Variants in GRID2 observed in about 807,000 individuals in gnomAD.
The protein encoded by GRID2 is glutamate ionotropic receptor delta type subunit 2.
A neutral mutation model predicts 114.8 loss-of-function variants in GRID2; 33 were observed. The observed-to-expected ratio is 0.29, with a 90% CI of 0.22 to 0.38. The LOEUF is 0.38. GRID2 is among the 10% of genes least tolerant of loss of function. GRID2 has a pLI of 1.00. For synonymous variants in GRID2, 505 were observed against 449.9 expected (o/e 1.12, Z -1.55); for missense variants, 1,184 against 1,257.7 (o/e 0.94, Z 0.89).
At chr4:93,243,459 T>G (rs200815808) in intron 8 of GRID2, among the ~76,000 whole-genome samples, 1 of 152,062 alleles carries the variant, frequency 6.6e-6, no homozygotes, top group African/African-American at 2.4e-5. Context: ...GAGTGAATGG[T>G]TTTTCAGTTG....
At chr4:93,249,419 T>C (rs560987084) in intron 8 of GRID2, among the ~76,000 whole-genome samples, 32 of 152,228 alleles carry the variant, frequency 2.1e-4, no homozygotes, top group African/African-American at 7.5e-4. Flanking sequence ...AGAAAGCTAA[T>C]GGTAGCTTGA....
intron 3 of GRID2, among the ~76,000 whole-genome samples, chr4:93,094,583 A>AT (rs1263630368): frequency 6.6e-6 from 1 of 151,990 alleles, no homozygotes; most frequent in Non-Finnish European, 1.5e-5. Flanking sequence ...AGGTAATATA[A>AT]TTTTAATGAA....
At chr4:92,444,427 T>A (rs879176644) in intron 1 of GRID2, among the ~76,000 whole-genome samples, 2 of 151,706 alleles carry the variant, frequency 1.3e-5, no homozygotes, top group African/African-American at 4.8e-5. Flanking sequence ...TCAGTGGGGG[T>A]GCTTTTGGCG....
intron 2 of GRID2, among the ~76,000 whole-genome samples, chr4:92,741,126 T>C (rs1736875881): frequency 6.6e-6 from 1 of 152,130 alleles, no homozygotes; most frequent in Non-Finnish European, 1.5e-5. Flanking sequence ...GACACCTAAG[T>C]TCAAATTACG....
At chr4:93,470,186 A>G (rs1724667202) in intron 11 of GRID2, among the ~76,000 whole-genome samples, 1 of 152,236 alleles carries the variant, frequency 6.6e-6, no homozygotes, top group South Asian at 2.1e-4. Context: ...TAAGATATTG[A>G]ATCTGGCCAC....
intron 2 of GRID2, among the ~76,000 whole-genome samples, chr4:92,603,599 C>T (rs781167376): frequency 4.6e-5 from 7 of 152,068 alleles, no homozygotes; most frequent in African/African-American, 1.7e-4. Context: ...ACAAGAAAAT[C>T]TAGGCAATAC....
chr4:93,085,730 C>G (rs1327287299), intron 3 of GRID2, among the ~76,000 whole-genome samples: 2 of 152,082 alleles, frequency 1.3e-5, no homozygotes, highest in East Asian at 3.9e-4. Flanking sequence ...TGCTTACACC[C>G]TTGTGTAGAC....
chr4:93,081,348 T>C (rs888907108), intron 2 of GRID2, among the ~76,000 whole-genome samples: 4 of 152,214 alleles, frequency 2.6e-5, no homozygotes, highest in Non-Finnish European at 4.4e-5. Context: ...TAATCTTGTT[T>C]TACTTAGTAA....
chr4:93,393,766 A>G (rs1205063914), intron 8 of GRID2, among the ~76,000 whole-genome samples: 3 of 152,006 alleles, frequency 2.0e-5, no homozygotes, highest in Non-Finnish European at 4.4e-5. Flanking sequence ...ACTACTCAAT[A>G]CACCAAAATG....
At chr4:93,689,540 G>A (rs548538653) in intron 14 of GRID2, among the ~76,000 whole-genome samples, 7 of 151,886 alleles carry the variant, frequency 4.6e-5, no homozygotes, top group African/African-American at 1.2e-4. Flanking sequence ...GAGTGACTCT[G>A]CCCATCAATG....
intron 2 of GRID2, among the ~76,000 whole-genome samples, chr4:92,649,505 T>A (rs964837352): frequency 1.3e-5 from 2 of 151,730 alleles, no homozygotes; most frequent in Admixed American, 6.6e-5. Flanking sequence ...ATCTACTGAT[T>A]CCTATATTAA....
At chr4:92,857,237 A>G (rs1744237810) in intron 2 of GRID2, among the ~76,000 whole-genome samples, 1 of 152,202 alleles carries the variant, frequency 6.6e-6, no homozygotes, top group Non-Finnish European at 1.5e-5. Context: ...AGTGAGAGGA[A>G]GAGTCATACA....
At chr4:93,074,302 T>C (rs1379403275) in intron 2 of GRID2, among the ~76,000 whole-genome samples, 1 of 152,146 alleles carries the variant, frequency 6.6e-6, no homozygotes, top group African/African-American at 2.4e-5. Context: ...CAGCAATATG[T>C]CTAAAATTAT....
intron 10 of GRID2, among the ~76,000 whole-genome samples, chr4:93,446,657 G>T (rs943720954): frequency 6.6e-6 from 1 of 151,938 alleles, no homozygotes; most frequent in Non-Finnish European, 1.5e-5. Flanking sequence ...TCAACAAGTT[G>T]CTTGAAACAG....
At chr4:93,385,632 T>C (rs1336835249) in intron 8 of GRID2, among the ~76,000 whole-genome samples, 36 of 152,132 alleles carry the variant, frequency 2.4e-4, no homozygotes, top group Non-Finnish European at 3.7e-4. Context: ...TTTCGTAAGC[T>C]TCCCCTTTAT....
intron 2 of GRID2, among the ~76,000 whole-genome samples, chr4:92,875,461 G>C (rs1318201367): frequency 6.6e-6 from 1 of 152,130 alleles, no homozygotes; most frequent in East Asian, 1.9e-4. Flanking sequence ...ACGTCGCCCG[G>C]CCAAAAGTAT....
intron 2 of GRID2, among the ~76,000 whole-genome samples, chr4:92,898,200 A>G (rs1747309612): frequency 6.6e-6 from 1 of 152,158 alleles, no homozygotes; most frequent in South Asian, 2.1e-4. Flanking sequence ...AACATCCCTA[A>G]AAGAAAAGAC....
intron 3 of GRID2, among the ~76,000 whole-genome samples, chr4:93,086,347 G>A (rs1253753802): frequency 6.6e-6 from 1 of 152,160 alleles, no homozygotes; most frequent in Non-Finnish European, 1.5e-5. Flanking sequence ...AAGCTACCCA[G>A]CAATGTGAAC....
At chr4:93,712,022 G>T (rs79214339) in intron 14 of GRID2, among the ~76,000 whole-genome samples, 6,350 of 151,964 alleles carry the variant, frequency 0.042, 215 homozygotes, top group African/African-American at 0.084. Context: ...TGTTGTTGTT[G>T]TTTTAATACA....
Sources: gnomAD v4.1 joint callset for allele counts (sites outside exome capture counted in the v4.1 genomes callset) on GRCh38, gnomAD v4.1.1 for gene constraint, MANE v1.5 for transcripts, NCBI Gene and HGNC (gene_info 2026-07-23, HGNC 2026-07-21) for gene names.